The following PRKD1 variants were observed in gnomAD, a reference collection of about 807,000 sequenced individuals.
The protein encoded by PRKD1 is protein kinase D1.
A neutral mutation model predicts 95.9 loss-of-function variants in PRKD1; 63 were observed. The ratio of observed to expected loss-of-function variants is 0.66; its 90% CI spans 0.54 to 0.81. PRKD1 has a LOEUF of 0.81. PRKD1 is among the 30% of genes least tolerant of loss of function. The pLI is 0.00. For missense variants in PRKD1, 1,048 were observed against 1,165.3 expected (o/e 0.90, Z 1.47); for synonymous variants, 425 against 423.1 (o/e 1.00, Z -0.05).
chr14:29,821,200 T>C (rs1408005379), intron 1 of PRKD1, among the ~76,000 whole-genome samples: 1 of 152,196 alleles, frequency 6.6e-6, no homozygotes, highest in African/African-American at 2.4e-5. Context: ...GATAATTAAA[T>C]ACATGACTGT....
intron 2 of PRKD1, among the ~76,000 whole-genome samples, chr14:29,688,978 G>GA (rs1311779307): frequency 5.4e-5 from 7 of 129,744 alleles, no homozygotes; most frequent in African/African-American, 1.7e-4. Flanking sequence ...AAAAAAGAAA[G>GA]AAAAAAAAGA....
At chr14:29,832,726 T>C (rs1426408613) in intron 1 of PRKD1, among the ~76,000 whole-genome samples, 1 of 152,124 alleles carries the variant, frequency 6.6e-6, no homozygotes, top group African/African-American at 2.4e-5. Context: ...TTGAATACTA[T>C]TCATTTGCTT....
chr14:29,755,853 C>T (rs182892944), intron 1 of PRKD1, among the ~76,000 whole-genome samples: 1 of 152,260 alleles, frequency 6.6e-6, no homozygotes, highest in Non-Finnish European at 1.5e-5. Context: ...ACTTGACTTT[C>T]TTTGGAACCT....
chr14:29,834,420 C>T (rs1337390459), intron 1 of PRKD1, among the ~76,000 whole-genome samples: 5 of 152,042 alleles, frequency 3.3e-5, no homozygotes, highest in African/African-American at 1.2e-4. Flanking sequence ...TTATATAGTG[C>T]AAATACTACA....
At position 29,595,919 on chromosome 14, in the gene PRKD1, A is replaced by T. The variant is rs182850267; in HGVS notation, c.2434+1572T>A. On this transcript the variant is annotated intron_variant, in intron 16 of 17. Transcript: ENST00000331968. ...AGATGTAATGTTTCCTAACAAGGGT[A>T]CTGGTCACAAGGTTATTTGATAATT... 2.2e-3 allele frequency among the ~76,000 whole-genome samples: 337 copies of T among 152,362 alleles called. 1 individual carries two copies. The highest frequency in any genetic ancestry group is 6.8e-3 in the Middle Eastern group (2 of 294).
intron 2 of PRKD1, among the ~76,000 whole-genome samples, chr14:29,708,910 C>T (rs1885211067): frequency 6.6e-6 from 1 of 152,090 alleles, no homozygotes; most frequent in African/African-American, 2.4e-5. Context: ...AATAAAGCTA[C>T]AACCACTCCC....
chr14:29,771,054 T>C (rs533677024), intron 1 of PRKD1, among the ~76,000 whole-genome samples: 2 of 151,380 alleles, frequency 1.3e-5, no homozygotes, highest in South Asian at 2.1e-4. Context: ...CGTGAGAAGA[T>C]AGGAACTATT....
chr14:29,595,319 T>C (rs1196400421), intron 16 of PRKD1, among the ~76,000 whole-genome samples: 1 of 152,198 alleles, frequency 6.6e-6, no homozygotes, highest in Non-Finnish European at 1.5e-5. Context: ...CCTCTGAAAG[T>C]GGAGTCCTAA....
At chr14:29,905,323 T>C (rs1161641748) in intron 1 of PRKD1, among the ~76,000 whole-genome samples, 1 of 152,186 alleles carries the variant, frequency 6.6e-6, no homozygotes, top group Non-Finnish European at 1.5e-5. Context: ...GTAGGGACTC[T>C]AGTCTTCCAT....
At chr14:29,757,663 A>G (rs995217621) in intron 1 of PRKD1, among the ~76,000 whole-genome samples, 4 of 151,472 alleles carry the variant, frequency 2.6e-5, no homozygotes, top group South Asian at 2.1e-4. Context: ...TTAAAAATAA[A>G]CCAATTAATT....
intron 1 of PRKD1, among the ~76,000 whole-genome samples, chr14:29,821,904 C>A (rs1204351999): frequency 1.3e-5 from 2 of 152,106 alleles, no homozygotes; most frequent in South Asian, 2.1e-4. Flanking sequence ...AGCAGACAGA[C>A]TCCACAGTCA....
intron 1 of PRKD1, among the ~76,000 whole-genome samples, chr14:29,807,903 G>A (rs1415325596): frequency 6.6e-6 from 1 of 151,744 alleles, no homozygotes; most frequent in Non-Finnish European, 1.5e-5. Context: ...TGTATTTCTA[G>A]TATAGACGGG....
intron 16 of PRKD1, among the ~76,000 whole-genome samples, chr14:29,582,365 C>T (rs1254895171): frequency 9.3e-5 from 14 of 150,788 alleles, no homozygotes; most frequent in African/African-American, 3.0e-4. Context: ...CTCATTTTAT[C>T]GAGCTTCTTG....
intron 1 of PRKD1, among the ~76,000 whole-genome samples, chr14:29,763,840 G>A (rs879677683): frequency 3.3e-5 from 5 of 152,076 alleles, no homozygotes; most frequent in East Asian, 1.9e-4. Flanking sequence ...AGAACTAGCC[G>A]CAGCAGCTCC....
intron 4 of PRKD1, among the ~76,000 whole-genome samples, chr14:29,656,782 A>C (rs1417143598): frequency 2.6e-5 from 4 of 152,328 alleles, no homozygotes; most frequent in Admixed American, 2.6e-4. Flanking sequence ...AAACAGCTCT[A>C]CTTGTCATGG....
chr14:29,769,476 A>C (rs1888408484), intron 1 of PRKD1, among the ~76,000 whole-genome samples: 1 of 152,090 alleles, frequency 6.6e-6, no homozygotes, highest in Non-Finnish European at 1.5e-5. Flanking sequence ...CAGAAGGATC[A>C]CTTGAGCCCA....
At chr14:29,885,804 TAAAAAAAAAAAAAAAA>T (rs759317394) in intron 1 of PRKD1, among the ~76,000 whole-genome samples, 2 of 53,502 alleles carry the variant, frequency 3.7e-5, no homozygotes, top group South Asian at 1.7e-3. Flanking sequence ...CCATCTTTAC[TAAAAAAAAAAAAAAAA>T]AAAAAAAAAA....
At chr14:29,621,089 G>A (rs1376666289) in intron 13 of PRKD1, among the ~76,000 whole-genome samples, 16 of 93,392 alleles carry the variant, frequency 1.7e-4, no homozygotes, top group Admixed American at 8.9e-4. Flanking sequence ...CTATCGCAAG[G>A]ACAAAAAAAA....
At chr14:29,860,642 T>G (rs578051216) in intron 1 of PRKD1, among the ~76,000 whole-genome samples, 74 of 152,224 alleles carry the variant, frequency 4.9e-4, no homozygotes, top group Non-Finnish European at 8.8e-4. Context: ...ACTGATATAA[T>G]TTTAAGATTC....
Sources: allele counts gnomAD v4.1 joint callset (sites outside exome capture counted in the v4.1 genomes callset), GRCh38; gene constraint gnomAD v4.1.1; transcripts MANE v1.5; gene names NCBI Gene and HGNC (gene_info 2026-07-23, HGNC 2026-07-21).